CACNA1S: variants seen among roughly 807,000 people sequenced by gnomAD.
CACNA1S encodes the protein voltage-dependent L-type calcium channel subunit alpha-1S.
CACNA1S carries 126 observed loss-of-function variants against 207.4 expected under a neutral mutation model. That is an observed-to-expected ratio of 0.61 (90% CI 0.53 to 0.70). The LOEUF is 0.70. Among genes scored for constraint, CACNA1S ranks in the 30% least tolerant of loss-of-function variants. The pLI is 0.00. For synonymous variants in CACNA1S, 960 were observed against 932.7 expected, an observed-to-expected ratio of 1.03 and a Z score of -0.53; for missense variants, 2,349 against 2,422.8, an observed-to-expected ratio of 0.97 and a Z score of 0.64.
At chr1:201,051,306 C>A (rs1042062777) in intron 32 of CACNA1S, among the ~76,000 whole-genome samples, 163 bp from the exon 33 acceptor site, 1 of 152,192 alleles carries the variant, frequency 6.6e-6, no homozygotes, top group Non-Finnish European at 1.5e-5. Context: ...TCAGTGTGAG[C>A]TGGGCCTCAG....
intron 3 of CACNA1S, 112 bp from the exon 4 acceptor site, chr1:201,092,226 G>GT: frequency 8.6e-7 from 1 of 1,157,784 alleles, no homozygotes; most frequent in East Asian, 2.4e-5. Context: ...AAGGCCTAGG[G>GT]GAGAGACGGC....
intron 2 of CACNA1S, among the ~76,000 whole-genome samples, chr1:201,108,623 A>G (rs2102188429): frequency 6.6e-6 from 1 of 152,256 alleles, no homozygotes; most frequent in East Asian, 1.9e-4. Flanking sequence ...CCCTGCCAAC[A>G]TTTAATCCCA....
Position 201,061,386 on chromosome 1 carries a change from TGAA to T in CACNA1S, c.3133_3135del (p.Phe1045del). On this transcript the variant is annotated inframe_deletion, in exon 25 of 44. Coordinates refer to ENST00000362061, the MANE Select transcript of CACNA1S (RefSeq NM_000069.3). ...AAGGCAATGAGGATGATGTAGATGA[TGAA>T]GAAGATGGCCATCTCCACACGGTTG... 1 of 1,614,192 alleles carries T rather than the reference TGAA, an allele frequency of 6.2e-7. No homozygotes were observed. Among genetic ancestry groups the T allele is most frequent in the East Asian group, 2.2e-5 (1 of 44,878 alleles).
chr1:201,054,617 A>T, intron 28 of CACNA1S, 56 bp from the exon 29 acceptor site: 14 of 1,435,786 alleles, frequency 9.8e-6, no homozygotes, highest in Non-Finnish European at 1.3e-5. Context: ...GAGGAGGGAC[A>T]TGTGGGAGGG....
At chr1:201,041,452 G>T in intron 41 of CACNA1S, 52 bp downstream of exon 41, 2 of 1,406,430 alleles carry the variant, frequency 1.4e-6, no homozygotes, top group Non-Finnish European at 1.0e-6. Flanking sequence ...GGGGCTTCCC[G>T]GACTCCTCTG....
chr1:201,050,264 T>A, intron 34 of CACNA1S, 125 bp downstream of exon 34: 1 of 1,055,850 alleles, frequency 9.5e-7, no homozygotes, highest in Non-Finnish European at 1.5e-6. Context: ...ATCTGAGACC[T>A]CAGATAAATG....
intron 22 of CACNA1S, among the ~76,000 whole-genome samples, chr1:201,065,271 A>G (rs1057220194): frequency 3.9e-5 from 6 of 152,202 alleles, no homozygotes; most frequent in African/African-American, 1.4e-4. Context: ...TGTGTATTTA[A>G]TTTTTAAAAG....
intron 32 of CACNA1S, among the ~76,000 whole-genome samples, chr1:201,052,278 T>A (rs774724958): frequency 2.6e-5 from 4 of 152,248 alleles, no homozygotes; most frequent in Non-Finnish European, 5.9e-5. Flanking sequence ...TGTCTCTTGC[T>A]TCATGGGGAT....
chr1:201,089,486 A>G (rs768201888), intron 5 of CACNA1S, 23 bp from the exon 6 acceptor site: 2 of 1,610,098 alleles, frequency 1.2e-6, no homozygotes, highest in Non-Finnish European at 1.7e-6. Flanking sequence ...GGCAAAGGGA[A>G]CATCAGACAA....
At chr1:201,051,349 T>C (rs1198557914) in intron 32 of CACNA1S, among the ~76,000 whole-genome samples, 2 of 152,128 alleles carry the variant, frequency 1.3e-5, no homozygotes, top group African/African-American at 4.8e-5. Flanking sequence ...TCATGGGGTG[T>C]TACAAGCAGG....
intron 2 of CACNA1S, among the ~76,000 whole-genome samples, chr1:201,104,841 C>T (rs570521817): frequency 6.6e-6 from 1 of 152,204 alleles, no homozygotes; most frequent in Non-Finnish European, 1.5e-5. Flanking sequence ...AATGGTAACC[C>T]TGCCCAATAA....
chr1:201,111,947 C>G, intron 1 of CACNA1S, among the ~76,000 whole-genome samples: 1 of 139,570 alleles, frequency 7.2e-6, no homozygotes, highest in African/African-American at 3.1e-5. Flanking sequence ...TCCTCCTCCC[C>G]CACCCTCCTC....
intron 28 of CACNA1S, among the ~76,000 whole-genome samples, chr1:201,056,187 G>A (rs922404079): frequency 9.2e-5 from 14 of 152,218 alleles, no homozygotes; most frequent in South Asian, 2.1e-4. Context: ...GTCTGTCACC[G>A]TCTGTTCTGT....
chr1:201,056,657 T>C (rs1305829490), intron 28 of CACNA1S, among the ~76,000 whole-genome samples: 2 of 152,154 alleles, frequency 1.3e-5, no homozygotes, highest in African/African-American at 4.8e-5. Context: ...GTTTTTTGAT[T>C]TTGGCCTCTG....
Position 201,097,696 on chromosome 1 carries a change from A to C in CACNA1S, c.259-3675T>G, listed in dbSNP as rs554484124. Among the ~76,000 whole-genome samples the C allele has an allele frequency of 2.0e-5, 3 of 152,214 alleles. No individual in the cohort carries two copies. The South Asian group carries it at 6.2e-4, about 32-fold the overall frequency. On this transcript the variant is annotated intron_variant, in intron 2 of 43. Transcript: ENST00000362061. Reference sequence around the variant, plus strand: ...CTTCTCTGCCCCAAGAACAGGTGACATTCCCCCATCAGTAATAGCATTTGG... The same window carrying C: ...CTTCTCTGCCCCAAGAACAGGTGACCTTCCCCCATCAGTAATAGCATTTGG...
In CACNA1S at chr1:201,049,069, G is replaced by T; in HGVS notation, c.4272C>A (p.Thr1424=). The change falls in exon 35 of 44, where the codon ACC becomes ACA. Residue 1424 remains threonine (T), a synonymous_variant. Transcript: ENST00000362061. ...GAGGGGGCTGAATCCTTCTCAGCAGGGTCACCACGTCCAGGTGTTTGATTC... is the reference window on the plus strand; with the variant it reads ...GAGGGGGCTGAATCCTTCTCAGCAGTGTCACCACGTCCAGGTGTTTGATTC... The part of the protein sequence containing the change: ...KGRIKHLDVV[T]LLRRIQPPLG... 1.2e-6 allele frequency: 2 copies of T among 1,613,540 alleles called. No individual in the cohort carries two copies. Among genetic ancestry groups the T allele is most frequent in the Non-Finnish European group, 1.7e-6 (2 of 1,179,826 alleles).
Position 201,052,604 on chromosome 1 carries a change from C to G in CACNA1S, c.3906G>C (p.Arg1302=). Residue 1302 remains arginine (R), a synonymous_variant, in exon 32 of 44, where the codon CGG becomes CGC. Transcript: ENST00000362061. ...GTGGGAAGGTCTGGAAGTTGTTGTT[C>G]CGGTTTATTTGGGTCCCATCCACCA... The part of the protein sequence containing the change: ...IALVDGTQIN[R]NNNFQTFPQA... 2 of 1,613,976 alleles carry G rather than the reference C, an allele frequency of 1.2e-6. No individual in the cohort carries two copies. The highest frequency in any genetic ancestry group is 1.7e-6 in the Non-Finnish European group (2 of 1,179,978).
At chr1:201,040,412 G>T (rs940190136) in intron 42 of CACNA1S, 38 bp from the exon 43 acceptor site, 3 of 1,609,136 alleles carry the variant, frequency 1.9e-6, no homozygotes, top group Non-Finnish European at 2.5e-6. Flanking sequence ...CCCGACAGGG[G>T]TGCTGGAGCC....
intron 26 of CACNA1S, 94 bp from the exon 27 acceptor site, chr1:201,059,393 C>G: frequency 1.3e-6 from 1 of 742,844 alleles, no homozygotes. Context: ...TCCTGGGAAG[C>G]CCCCAACCCT....
Sources: allele counts gnomAD v4.1 joint callset (sites outside exome capture counted in the v4.1 genomes callset), GRCh38; gene constraint gnomAD v4.1.1; transcripts MANE v1.5; gene names NCBI Gene and HGNC (gene_info 2026-07-23, HGNC 2026-07-21).